The following TXNRD1 variants were observed in gnomAD, a reference collection of about 807,000 sequenced individuals.
TXNRD1 encodes thioredoxin reductase 1, cytoplasmic.
In TXNRD1, 57 loss-of-function variants were observed where a neutral mutation model predicts 80.3. That is an observed-to-expected ratio of 0.71 (90% CI 0.57 to 0.89). The LOEUF is 0.89. Ranked by LOEUF, TXNRD1 falls within the 40% of genes least tolerant of loss-of-function variation. The pLI is 0.00. For synonymous variants in TXNRD1, 291 were observed against 285.2 expected, an observed-to-expected ratio of 1.02 and a Z score of -0.20; for missense variants, 730 against 803.0, an observed-to-expected ratio of 0.91 and a Z score of 1.10.
intron 3 of TXNRD1, among the ~76,000 whole-genome samples, chr12:104,258,873 T>A (rs1419398323): frequency 2.0e-5 from 3 of 152,082 alleles, no homozygotes; most frequent in African/African-American, 7.2e-5. Context: ...AAGGTTACAG[T>A]GAGCTATGAT....
chr12:104,304,627 CT>C, intron 4 of TXNRD1: 2 of 1,613,900 alleles, frequency 1.2e-6, no homozygotes, highest in Non-Finnish European at 1.7e-6. Flanking sequence ...TGCAAACCTA[CT>C]TTCGAAAGTA....
In TXNRD1 at chr12:104,245,023, A is replaced by G. The variant is rs972423712; in HGVS notation, c.92-6504A>G. Among the ~76,000 whole-genome samples, 18 of 152,342 alleles carry G rather than the reference A, an allele frequency of 1.2e-4. No homozygotes were observed. In the South Asian group the frequency reaches 2.9e-3, roughly 25 times the overall value. On this transcript the variant is annotated intron_variant, in intron 1 of 16. Coordinates refer to ENST00000525566, the MANE Select transcript of TXNRD1 (RefSeq NM_001093771.3). The stretch of plus-strand genomic sequence containing the variant: ...GTTCCACTGGGTTTTACAGGAAGTT[A>G]ACATGATTGATCCTAAAGCTATAGC...
At chr12:104,265,955 TA>T (rs34365410) in intron 3 of TXNRD1, 229,946 of 441,714 alleles carry the variant, frequency 0.52, 42,093 homozygotes, top group African/African-American at 0.84. Flanking sequence ...CACAAAATCT[TA>T]AAAAAAAAAA....
chr12:104,246,772 C>T (rs1213796088), intron 1 of TXNRD1, among the ~76,000 whole-genome samples: 9 of 151,994 alleles, frequency 5.9e-5, no homozygotes, highest in Admixed American at 3.3e-4. Context: ...CCGCCCGCCT[C>T]GGTCTCCCAA....
intron 16 of TXNRD1, among the ~76,000 whole-genome samples, chr12:104,347,907 C>T (rs34367619): frequency 0.013 from 2,003 of 151,778 alleles, 29 homozygotes; most frequent in African/African-American, 0.046. Flanking sequence ...CTTAAAAAAA[C>T]AAGAGAAATG....
In TXNRD1 at chr12:104,239,590, T is replaced by C. The variant is rs567001816; in HGVS notation, c.92-11937T>C. Among the ~76,000 whole-genome samples the C allele has an allele frequency of 2.8e-3, 429 of 151,692 alleles. 2 individuals carry two copies. The highest frequency in any genetic ancestry group is 9.9e-3 in the African/African-American group (411 of 41,538). ...TTTTTTCCCTAGACTCAAGTGATTCTCATGCCTCAGCCTCCCAAGTAACTG... is the reference window on the plus strand; with the variant it reads ...TTTTTTCCCTAGACTCAAGTGATTCCCATGCCTCAGCCTCCCAAGTAACTG... On this transcript the variant is annotated intron_variant, in intron 1 of 16. Transcript: ENST00000525566.
chr12:104,307,702 G>C (rs1007998821), intron 4 of TXNRD1, among the ~76,000 whole-genome samples: 1 of 152,206 alleles, frequency 6.6e-6, no homozygotes, highest in Non-Finnish European at 1.5e-5. Context: ...AGTCAGGATT[G>C]CTTATTCCAA....
chr12:104,319,825 A>G (rs1000699196), intron 9 of TXNRD1, among the ~76,000 whole-genome samples: 2 of 152,264 alleles, frequency 1.3e-5, no homozygotes, highest in Admixed American at 1.3e-4. Flanking sequence ...TATCACTAAC[A>G]TACTAGTATA....
rs758915877 is a variant in TXNRD1, at chr12:104,315,863, T to C, written c.697T>C (p.Ser233Pro). The C allele has an allele frequency of 3.7e-6, 6 of 1,612,290 alleles. No individual in the cohort carries two copies. Among genetic ancestry groups the C allele is most frequent in the Non-Finnish European group, 5.1e-6 (6 of 1,178,808 alleles). ...TTTGTTAGGACAAGCCCTGCAAGAC[T>C]CTCGAAATTATGGATGGAAAGTCGA... ...AALLGQALQD[S>P]RNYGWKVEET... Residue 233 changes from serine to proline, a missense_variant, in exon 7 of 17, where the codon TCT becomes CCT. Ser to Pro is a moderately conservative substitution (Grantham distance 74, BLOSUM62 -1). Coordinates refer to ENST00000525566, the MANE Select transcript of TXNRD1 (RefSeq NM_001093771.3).
At chr12:104,221,564 C>T (rs1191022200) in intron 1 of TXNRD1, among the ~76,000 whole-genome samples, 1 of 152,162 alleles carries the variant, frequency 6.6e-6, no homozygotes, top group African/African-American at 2.4e-5. Context: ...GTGATCTGCC[C>T]ACCTCAGCCT....
intron 6 of TXNRD1, 93 bp downstream of exon 6, chr12:104,313,410 C>A (rs2035209721): frequency 5.1e-6 from 5 of 972,372 alleles, no homozygotes; most frequent in South Asian, 1.7e-5. Flanking sequence ...TTAAAAAAAT[C>A]AAAAACTAAG....
intron 1 of TXNRD1, among the ~76,000 whole-genome samples, chr12:104,218,319 C>T (rs571845025): frequency 3.7e-4 from 56 of 152,180 alleles, no homozygotes; most frequent in African/African-American, 1.2e-3. Flanking sequence ...CCACCACGCC[C>T]GGCCTGAACT....
chr12:104,289,159 G>A (rs2034086832), intron 4 of TXNRD1, 119 bp downstream of exon 4: 1 of 1,260,856 alleles, frequency 7.9e-7, no homozygotes, highest in African/African-American at 1.5e-5. Context: ...GCAGCGCTGG[G>A]AAATGACGAA....
chr12:104,304,312 C>T (rs1455555073), intron 4 of TXNRD1: 3 of 1,613,952 alleles, frequency 1.9e-6, no homozygotes, highest in South Asian at 1.1e-5. Flanking sequence ...TGTTTCTGTT[C>T]GTGGGTCTGA....
chr12:104,267,647 A>ATCTTTCTTTCTTTCTTTCTTTCTTTCTT (rs753275941), intron 3 of TXNRD1, among the ~76,000 whole-genome samples: 2 of 140,344 alleles, frequency 1.4e-5, no homozygotes, highest in African/African-American at 2.7e-5. Flanking sequence ...ATGTGATGGT[A>ATCTTTCTTTCTTTCTTTCTTTCTTTCTT]TCTTTCTTTC....
chr12:104,281,323 C>T (rs2033871721), intron 3 of TXNRD1, among the ~76,000 whole-genome samples: 1 of 152,040 alleles, frequency 6.6e-6, no homozygotes, highest in Non-Finnish European at 1.5e-5. Flanking sequence ...TTTAACCTCA[C>T]TAATCAGCCT....
At chr12:104,271,545 G>A (rs2135725154) in intron 3 of TXNRD1, among the ~76,000 whole-genome samples, 1 of 152,212 alleles carries the variant, frequency 6.6e-6, no homozygotes, top group African/African-American at 2.4e-5. Context: ...TGTGGGCAGG[G>A]GATGGATCTC....
chr12:104,298,397 TC>T (rs745794624), intron 4 of TXNRD1, among the ~76,000 whole-genome samples: 20 of 152,318 alleles, frequency 1.3e-4, no homozygotes, highest in Non-Finnish European at 2.5e-4. Flanking sequence ...TGGAATATAT[TC>T]CTGTGTTCCT....
intron 4 of TXNRD1, among the ~76,000 whole-genome samples, chr12:104,299,820 G>A (rs1013095999): frequency 6.6e-6 from 1 of 151,286 alleles, no homozygotes; most frequent in African/African-American, 2.4e-5. Flanking sequence ...CTAATGTCCT[G>A]CTAATTCTGG....
Sources: allele counts gnomAD v4.1 joint callset (sites outside exome capture counted in the v4.1 genomes callset), GRCh38; gene constraint gnomAD v4.1.1; transcripts MANE v1.5; gene names NCBI Gene and HGNC (gene_info 2026-07-23, HGNC 2026-07-21).